WLS: variants seen among roughly 807,000 people sequenced by gnomAD.
WLS encodes Wnt ligand secretion mediator, also known as protein wntless homolog.
WLS carries 23 observed loss-of-function variants against 62.8 expected under a neutral mutation model. The ratio of observed to expected loss-of-function variants is 0.37; its 90% CI spans 0.26 to 0.52. The LOEUF (loss-of-function observed/expected upper bound fraction) is 0.52, where lower values mean the gene tolerates loss of function less well. Among genes scored for constraint, WLS ranks in the 20% least tolerant of loss-of-function variants. WLS has a pLI of 0.92. For synonymous variants in WLS, 246 were observed against 244.1 expected, an observed-to-expected ratio of 1.01 and a Z score of -0.07; for missense variants, 615 against 697.3, an observed-to-expected ratio of 0.88 and a Z score of 1.33.
chr1:68,217,694 C>A (rs906024341), intron 1 of WLS, among the ~76,000 whole-genome samples: 2 of 152,152 alleles, frequency 1.3e-5, no homozygotes. Flanking sequence ...GGAAGCATAA[C>A]CCTGGGCTTT....
chr1:68,107,213 T>G (rs1646159549), intron 11 of WLS, among the ~76,000 whole-genome samples: 1 of 152,200 alleles, frequency 6.6e-6, no homozygotes, highest in Non-Finnish European at 1.5e-5. Flanking sequence ...ATAGATCCTT[T>G]TGTATATAAT....
chr1:68,187,924 T>C (rs1183160712), intron 2 of WLS, among the ~76,000 whole-genome samples: 2 of 152,242 alleles, frequency 1.3e-5, no homozygotes, highest in African/African-American at 4.8e-5. Flanking sequence ...AAATTTATCG[T>C]TGACTTTTAA....
Position 68,153,673 on chromosome 1 carries a change from A to G in WLS, c.667-20T>C, listed in dbSNP as rs149749734. 101 of 1,613,924 alleles carry G rather than the reference A, an allele frequency of 6.3e-5. No individual in the cohort carries two copies. The African/African-American group carries it at 1.2e-3, about 19-fold the overall frequency. On this transcript the variant is annotated intron_variant, in intron 4 of 11. Transcript: ENST00000262348. ...GATCCCCTAGGCAGAGACCAGTGATAATTTTGAAGGTGAATATTATCTTAG... is the reference window on the plus strand; with the variant it reads ...GATCCCCTAGGCAGAGACCAGTGATGATTTTGAAGGTGAATATTATCTTAG...
intron 11 of WLS, among the ~76,000 whole-genome samples, chr1:68,110,651 A>ATATCTCTCTCTCTCTCTC (rs1553123050): frequency 2.4e-5 from 3 of 126,152 alleles, no homozygotes; most frequent in African/African-American, 9.2e-5. Flanking sequence ...GCCCCCAAAA[A>ATATCTCTCTCTCTCTCTC]TCTCTGTCTC....
At chr1:68,115,524 C>A (rs959575) in intron 11 of WLS, among the ~76,000 whole-genome samples, 1 of 152,166 alleles carries the variant, frequency 6.6e-6, no homozygotes, top group African/African-American at 2.4e-5. Flanking sequence ...CTGTGTGACA[C>A]AGGGCAAGTC....
intron 2 of WLS, among the ~76,000 whole-genome samples, chr1:68,173,587 G>A (rs1647186798): frequency 6.6e-6 from 1 of 152,194 alleles, no homozygotes; most frequent in South Asian, 2.1e-4. Flanking sequence ...ACAGTGCAGA[G>A]GGAGTCCAGG....
At chr1:68,161,095 T>C (rs1040597289) in intron 2 of WLS, among the ~76,000 whole-genome samples, 8 of 152,204 alleles carry the variant, frequency 5.3e-5, no homozygotes, top group African/African-American at 1.9e-4. Context: ...ACTGAGAAAA[T>C]GTATTTGAGT....
At chr1:68,167,996 T>C (rs938552439) in intron 2 of WLS, among the ~76,000 whole-genome samples, 16 of 152,182 alleles carry the variant, frequency 1.1e-4, no homozygotes, top group South Asian at 2.1e-4. Context: ...TCTGTCTCTA[T>C]ACCAGTTATA....
intron 11 of WLS, among the ~76,000 whole-genome samples, chr1:68,136,220 T>C (rs574845970): frequency 6.6e-6 from 1 of 152,232 alleles, no homozygotes; most frequent in South Asian, 2.1e-4. Context: ...CCCCCCTCCC[T>C]TCTCCCCACA....
intron 1 of WLS, among the ~76,000 whole-genome samples, chr1:68,216,801 C>T (rs775578824): frequency 2.8e-4 from 42 of 152,190 alleles, no homozygotes; most frequent in Non-Finnish European, 5.3e-4. Context: ...ATGACAGATT[C>T]TAAAGATATA....
chr1:68,160,646 A>G lies in WLS; in HGVS notation c.380-1399T>C, dbSNP rs568473952. Among the ~76,000 whole-genome samples, 13 of 152,320 alleles carry G rather than the reference A, an allele frequency of 8.5e-5. No homozygotes were observed. In the East Asian group the frequency reaches 2.3e-3, roughly 27 times the overall value. On this transcript the variant is annotated intron_variant, in intron 2 of 11. Coordinates refer to ENST00000262348, the MANE Select transcript of WLS (RefSeq NM_024911.7). Reference sequence around the variant, plus strand: ...TGCTAAATGTCTACGTTTACAATAAACAAATACAGTAACAGTAACTCACAC... The same window carrying G: ...TGCTAAATGTCTACGTTTACAATAAGCAAATACAGTAACAGTAACTCACAC...
chr1:68,115,523 A>G (rs959574), intron 11 of WLS, among the ~76,000 whole-genome samples: 1 of 152,190 alleles, frequency 6.6e-6, no homozygotes, highest in African/African-American at 2.4e-5. Flanking sequence ...GCTGTGTGAC[A>G]CAGGGCAAGT....
intron 2 of WLS, among the ~76,000 whole-genome samples, chr1:68,192,827 G>T (rs1411231296): frequency 6.7e-6 from 1 of 148,782 alleles, no homozygotes; most frequent in African/African-American, 2.5e-5. Flanking sequence ...AGGCACAGTG[G>T]CTCACACCTG....
intron 2 of WLS, among the ~76,000 whole-genome samples, chr1:68,192,763 T>A (rs1648388220): frequency 9.1e-5 from 1 of 10,958 alleles, no homozygotes; most frequent in African/African-American, 2.6e-4. Flanking sequence ...GGAGACTCTG[T>A]CTCTTAAAAA....
intron 11 of WLS, among the ~76,000 whole-genome samples, chr1:68,116,277 T>G (rs1646290557): frequency 6.6e-6 from 1 of 152,144 alleles, no homozygotes; most frequent in African/African-American, 2.4e-5. Context: ...GCAGGGCCCG[T>G]GTAAGCATAC....
chr1:68,207,304 A>T (rs1418989889), intron 1 of WLS, among the ~76,000 whole-genome samples: 1 of 152,244 alleles, frequency 6.6e-6, no homozygotes, highest in Non-Finnish European at 1.5e-5. Flanking sequence ...CAATACAATG[A>T]AATAATTTGG....
chr1:68,105,535 T>C (rs775254065), intron 11 of WLS, among the ~76,000 whole-genome samples: 2 of 152,128 alleles, frequency 1.3e-5, no homozygotes, highest in Non-Finnish European at 2.9e-5. Flanking sequence ...TTCCAAACTA[T>C]GAAACAAAGG....
intron 2 of WLS, among the ~76,000 whole-genome samples, chr1:68,163,632 A>AG (rs1301476065): frequency 1.1e-3 from 26 of 24,722 alleles, no homozygotes; most frequent in African/African-American, 2.8e-3. Context: ...AGTCTTAATG[A>AG]GGAAAAAAAA....
At position 68,224,147 on chromosome 1, in the gene WLS, G is replaced by A. The variant is rs181444511; in HGVS notation, c.106+8047C>T. Among the ~76,000 whole-genome samples, 20 of 152,254 alleles carry A rather than the reference G, an allele frequency of 1.3e-4. No individual in the cohort carries two copies. In the East Asian group the frequency reaches 3.5e-3, roughly 27 times the overall value. Reference sequence around the variant, plus strand: ...TGTTTAAGAAGACCCTGTGATTCCTGTGGGCCAGCAAAGAAAGAATACCCC... The same window carrying A: ...TGTTTAAGAAGACCCTGTGATTCCTATGGGCCAGCAAAGAAAGAATACCCC... On this transcript the variant is annotated intron_variant, in intron 1 of 11. Coordinates refer to ENST00000262348, the MANE Select transcript of WLS (RefSeq NM_024911.7).
Sources: allele counts gnomAD v4.1 joint callset (sites outside exome capture counted in the v4.1 genomes callset), GRCh38; gene constraint gnomAD v4.1.1; transcripts MANE v1.5; gene names NCBI Gene and HGNC (gene_info 2026-07-23, HGNC 2026-07-21).